Variants in DLGAP1 observed in about 807,000 individuals in gnomAD.
DLGAP1 encodes the protein DLG associated protein 1.
Under a neutral mutation model 90.8 loss-of-function variants are expected in DLGAP1, and 11 were observed. That is an observed-to-expected ratio of 0.12 (90% CI 0.08 to 0.20). DLGAP1 has a LOEUF of 0.20. DLGAP1 is among the 10% of genes least tolerant of loss of function. The probability of loss-of-function intolerance (pLI) is 1.00; values close to 1 mark genes in which losing one functional copy is unlikely to be tolerated. For missense variants in DLGAP1, 1,050 were observed against 1,333.8 expected (o/e 0.79, Z 3.31); for synonymous variants, 558 against 540.7 (o/e 1.03, Z -0.44).
chr18:3,632,901 T>C lies in DLGAP1; in HGVS notation c.1592-50653A>G, dbSNP rs190916346. Among the ~76,000 whole-genome samples the C allele has an allele frequency of 7.2e-5, 11 of 152,328 alleles. No homozygotes were observed. In the East Asian group the frequency reaches 1.9e-3, roughly 27 times the overall value. ...CTCATGAATGGATAACCCCCAATTTTAGTACCAAGACAAGTGTTTGTTTTT... is the reference window on the plus strand; with the variant it reads ...CTCATGAATGGATAACCCCCAATTTCAGTACCAAGACAAGTGTTTGTTTTT... On this transcript the variant is annotated intron_variant, in intron 7 of 12. Coordinates refer to ENST00000315677, the MANE Select transcript of DLGAP1 (RefSeq NM_004746.4).
intron 2 of DLGAP1, among the ~76,000 whole-genome samples, chr18:4,018,189 T>C (rs1256084702): frequency 5.3e-5 from 8 of 152,132 alleles, no homozygotes. Context: ...TGGAGATCTG[T>C]GGGGAGTTCC....
chr18:4,097,923 T>C (rs2075710642), intron 2 of DLGAP1, among the ~76,000 whole-genome samples: 1 of 152,212 alleles, frequency 6.6e-6, no homozygotes, highest in Admixed American at 6.5e-5. Flanking sequence ...TTTTCCTTTT[T>C]CTTTTTTTGA....
chr18:3,828,560 A>C (rs1035925831), intron 4 of DLGAP1, among the ~76,000 whole-genome samples: 26 of 144,606 alleles, frequency 1.8e-4, no homozygotes, highest in Admixed American at 1.1e-3. Context: ...GGATCTCCTG[A>C]GCCTAGGAGC....
intron 10 of DLGAP1, among the ~76,000 whole-genome samples, chr18:3,510,314 G>A (rs35081590): frequency 6.6e-6 from 1 of 152,214 alleles, no homozygotes; most frequent in Admixed American, 6.5e-5. Flanking sequence ...GAATTGCTTA[G>A]GACTGTGTTG....
intron 2 of DLGAP1, among the ~76,000 whole-genome samples, chr18:4,104,562 T>C (rs2075829092): frequency 6.6e-6 from 1 of 152,196 alleles, no homozygotes; most frequent in South Asian, 2.1e-4. Context: ...CCAACTCTAG[T>C]ATTGTTTATT....
chr18:3,570,885 T>G (rs1206449083), intron 8 of DLGAP1, among the ~76,000 whole-genome samples: 2 of 145,412 alleles, frequency 1.4e-5, no homozygotes, highest in African/African-American at 5.2e-5. Flanking sequence ...GCCATGATCA[T>G]GCCACTGCAC....
chr18:3,776,517 C>T (rs1326196915), intron 5 of DLGAP1, among the ~76,000 whole-genome samples: 6 of 152,144 alleles, frequency 3.9e-5, no homozygotes, highest in Non-Finnish European at 7.3e-5. Context: ...AACATGGGAC[C>T]AGTTCTTGGC....
chr18:4,031,144 T>G (rs1253116632), intron 2 of DLGAP1, among the ~76,000 whole-genome samples: 2 of 152,108 alleles, frequency 1.3e-5, no homozygotes, highest in Non-Finnish European at 2.9e-5. Context: ...ATGACAAAAC[T>G]TGACAGAGTT....
intron 1 of DLGAP1, among the ~76,000 whole-genome samples, chr18:4,286,964 G>T (rs569546416): frequency 2.5e-4 from 38 of 152,234 alleles, no homozygotes; most frequent in South Asian, 1.2e-3. Context: ...TCAAGAGCAG[G>T]ACAAATTTGA....
At chr18:4,063,647 T>C (rs1438109659) in intron 2 of DLGAP1, among the ~76,000 whole-genome samples, 1 of 152,098 alleles carries the variant, frequency 6.6e-6, no homozygotes, top group African/African-American at 2.4e-5. Flanking sequence ...CCTATAAAAA[T>C]CTGAAAAGAA....
intron 3 of DLGAP1, among the ~76,000 whole-genome samples, chr18:3,923,290 A>G (rs2072309972): frequency 6.6e-6 from 1 of 152,132 alleles, no homozygotes; most frequent in Non-Finnish European, 1.5e-5. Flanking sequence ...TGAAATCAGT[A>G]TCTTATTTGA....
chr18:4,052,839 T>C (rs1793486861), intron 2 of DLGAP1, among the ~76,000 whole-genome samples: 1 of 152,174 alleles, frequency 6.6e-6, no homozygotes, highest in African/African-American at 2.4e-5. Context: ...AAGTTTCACT[T>C]ATCTATAGGG....
intron 2 of DLGAP1, among the ~76,000 whole-genome samples, chr18:4,082,248 A>T (rs1296399049): frequency 6.6e-6 from 1 of 150,842 alleles, no homozygotes; most frequent in Non-Finnish European, 1.5e-5. Flanking sequence ...AGGCTGAGGC[A>T]GGAGAATTCC....
intron 4 of DLGAP1, among the ~76,000 whole-genome samples, chr18:3,825,359 GT>G (rs1224284712): frequency 6.6e-6 from 1 of 152,144 alleles, no homozygotes; most frequent in African/African-American, 2.4e-5. Context: ...TGGGGGACTG[GT>G]TCCAGGATAC....
At position 4,367,004 on chromosome 18, in the gene DLGAP1, CAAAAAAAAA is replaced by C. The variant is rs67286288; in HGVS notation, c.-267+87993_-267+88001del. On this transcript the variant is annotated intron_variant, in intron 1 of 12. Coordinates refer to ENST00000315677, the MANE Select transcript of DLGAP1 (RefSeq NM_004746.4). ...ATCCAGTATACGGCTCTGTCAATGG[CAAAAAAAAA>C]AAAAAAAAAAAAAAAAATCTTGTAC... Among the ~76,000 whole-genome samples the C allele has an allele frequency of 1.9e-3, 116 of 60,738 alleles. 1 individual carries two copies. Among genetic ancestry groups the C allele is most frequent in the Middle Eastern group, 0.028 (2 of 72 alleles). 39.8% of individuals were successfully genotyped at this position (60,738 alleles called of 152,430 possible).
chr18:3,798,653 G>A (rs1389562278), intron 5 of DLGAP1, among the ~76,000 whole-genome samples: 1 of 152,082 alleles, frequency 6.6e-6, no homozygotes, highest in Non-Finnish European at 1.5e-5. Context: ...CTCTAAGGTT[G>A]TTTATTTATT....
At chr18:3,513,688 T>A (rs942745609) in intron 10 of DLGAP1, among the ~76,000 whole-genome samples, 1 of 152,224 alleles carries the variant, frequency 6.6e-6, no homozygotes, top group Non-Finnish European at 1.5e-5. Flanking sequence ...AAGCTCTTTT[T>A]TTCTTTTACA....
intron 5 of DLGAP1, among the ~76,000 whole-genome samples, chr18:3,749,148 CTTTTT>C (rs776707431): frequency 3.3e-5 from 4 of 120,694 alleles, no homozygotes; most frequent in African/African-American, 1.3e-4. Context: ...TCTTCTTCTT[CTTTTT>C]TTTTTTTTTT....
At chr18:4,088,481 C>T (rs2075720513) in intron 2 of DLGAP1, among the ~76,000 whole-genome samples, 1 of 151,872 alleles carries the variant, frequency 6.6e-6, no homozygotes, top group Non-Finnish European at 1.5e-5. Flanking sequence ...ACATACATAT[C>T]TTCAACTTTC....
Sources: gnomAD v4.1 joint callset for allele counts (sites outside exome capture counted in the v4.1 genomes callset) on GRCh38, gnomAD v4.1.1 for gene constraint, MANE v1.5 for transcripts, NCBI Gene and HGNC (gene_info 2026-07-23, HGNC 2026-07-21) for gene names.